FMN1: variants seen among roughly 807,000 people sequenced by gnomAD.
FMN1 encodes the protein formin-1.
In FMN1, 110 loss-of-function variants were observed where a neutral mutation model predicts 132.4. The ratio of observed to expected loss-of-function variants is 0.83; its 90% CI spans 0.71 to 0.97. FMN1 has a LOEUF of 0.97. Among genes scored for constraint, FMN1 ranks in the 50% least tolerant of loss-of-function variants. The pLI is 0.00. For missense variants in FMN1, 1,792 were observed against 1,705.3 expected, an observed-to-expected ratio of 1.05 and a Z score of -0.90; for synonymous variants, 722 against 651.7, an observed-to-expected ratio of 1.11 and a Z score of -1.64.
At chr15:33,058,635 G>T (rs2037344408) in intron 6 of FMN1, among the ~76,000 whole-genome samples, 1 of 152,162 alleles carries the variant, frequency 6.6e-6, no homozygotes, top group South Asian at 2.1e-4. Flanking sequence ...GGAATCAAAA[G>T]AACAGCGTGA....
chr15:33,113,991 G>C (rs575741121), intron 4 of FMN1, among the ~76,000 whole-genome samples: 9 of 152,296 alleles, frequency 5.9e-5, no homozygotes, highest in African/African-American at 2.2e-4. Context: ...TCTAGGCTCA[G>C]TTATCTAAGG....
intron 17 of FMN1, among the ~76,000 whole-genome samples, chr15:32,807,479 T>C (rs1240900974): frequency 5.9e-5 from 9 of 152,238 alleles, no homozygotes; most frequent in Admixed American, 5.9e-4. Context: ...CCAGTGATTT[T>C]AAGTTATGTG....
At chr15:32,838,510 G>A (rs554296203) in intron 17 of FMN1, among the ~76,000 whole-genome samples, 22 of 152,286 alleles carry the variant, frequency 1.4e-4, no homozygotes, top group Admixed American at 9.1e-4. Flanking sequence ...AGCAGCAGCC[G>A]TGGGGTTACG....
Position 32,811,313 on chromosome 15 carries a change from T to C in FMN1, c.3929-6981A>G, listed in dbSNP as rs193020545. On this transcript the variant is annotated intron_variant, in intron 17 of 20. Transcript: ENST00000616417. ...GGTCTGTCAGAGCAAGTGTCTAAGC[T>C]GGATGGTAAAGTTGAAGAGTAGAGG... 8.9e-4 allele frequency among the ~76,000 whole-genome samples: 135 copies of C among 152,286 alleles called. No individual in the cohort carries two copies. In the South Asian group the frequency reaches 0.024, roughly 27 times the overall value.
chr15:33,126,389 A>G (rs1235735577), intron 4 of FMN1, among the ~76,000 whole-genome samples: 2 of 152,170 alleles, frequency 1.3e-5, no homozygotes, highest in African/African-American at 4.8e-5. Flanking sequence ...GTGTGCACCA[A>G]AAGGAGCCTG....
chr15:33,124,911 GTTAAAGA>G (rs1273480606), intron 4 of FMN1, among the ~76,000 whole-genome samples: 2 of 151,612 alleles, frequency 1.3e-5, no homozygotes, highest in Non-Finnish European at 1.5e-5. Context: ...AAGGGCAAAT[GTTAAAGA>G]TACTATGTGC....
intron 7 of FMN1, among the ~76,000 whole-genome samples, chr15:33,004,187 A>T (rs1258565795): frequency 6.6e-6 from 1 of 152,226 alleles, no homozygotes; most frequent in Non-Finnish European, 1.5e-5. Context: ...ACCAAAATTG[A>T]CAAATGGGAT....
At chr15:33,166,607 C>G (rs1353766720) in intron 3 of FMN1, among the ~76,000 whole-genome samples, 2 of 152,160 alleles carry the variant, frequency 1.3e-5, no homozygotes, top group African/African-American at 4.8e-5. Flanking sequence ...ATATAGGCAA[C>G]AGTTTCACAG....
At chr15:33,093,264 C>CCATTCATCAT (rs76018800) in intron 4 of FMN1, among the ~76,000 whole-genome samples, 17,796 of 152,210 alleles carry the variant, frequency 0.12, 1,151 homozygotes, top group African/African-American at 0.16. Context: ...GTGCCCAAGG[C>CCATTCATCAT]ACTACATAAA....
chr15:33,071,071 A>C (rs955651243), intron 5 of FMN1, among the ~76,000 whole-genome samples: 4 of 152,210 alleles, frequency 2.6e-5, no homozygotes, highest in African/African-American at 9.7e-5. Context: ...CAAAGGTTTC[A>C]GCCCAGTTCA....
chr15:32,989,857 C>T (rs1335929392), intron 7 of FMN1, among the ~76,000 whole-genome samples: 1 of 152,108 alleles, frequency 6.6e-6, no homozygotes, highest in Non-Finnish European at 1.5e-5. Context: ...GTCAAGGATG[C>T]ATCTGAGGTT....
intron 9 of FMN1, among the ~76,000 whole-genome samples, chr15:32,958,115 TAGAA>T (rs2030038368): frequency 6.6e-6 from 1 of 152,198 alleles, no homozygotes; most frequent in South Asian, 2.1e-4. Context: ...TGGAGTTACA[TAGAA>T]AGCACATCTT....
intron 17 of FMN1, among the ~76,000 whole-genome samples, chr15:32,808,560 G>A (rs186541918): frequency 2.2e-4 from 33 of 152,326 alleles, no homozygotes; most frequent in Admixed American, 1.9e-3. Flanking sequence ...TTTCTGCTCT[G>A]ATACTTATTA....
intron 17 of FMN1, among the ~76,000 whole-genome samples, chr15:32,853,917 T>C (rs969005832): frequency 6.6e-6 from 1 of 151,928 alleles, no homozygotes; most frequent in Non-Finnish European, 1.5e-5. Flanking sequence ...GAGAAGAGAG[T>C]GTAGGAATGA....
At chr15:32,933,509 G>T (rs1433816095) in intron 9 of FMN1, among the ~76,000 whole-genome samples, 1 of 152,110 alleles carries the variant, frequency 6.6e-6, no homozygotes. Context: ...TGTTGCTCAA[G>T]TCCTCTGTTT....
chr15:32,968,994 G>C lies in FMN1; in HGVS notation c.2707C>G (p.Leu903Val). ...PMPPVSAGPPLPPPPPPPPPL... is the reference protein window; with the variant it reads ...PMPPVSAGPPVPPPPPPPPPL... ...GGCGGTGGAGGAGGCGGAGGTGGTA[G>C]CGGTGGCCCAGCACTCACAGGTGGC... The change falls in exon 8 of 21, where the codon CTA becomes GTA. Residue 903 changes from leucine to valine, a missense_variant. Physicochemically the swap from Leu to Val is conservative, Grantham distance 32. Transcript: ENST00000616417. 9.0e-7 allele frequency: 1 copy of C among 1,114,216 alleles called. No homozygotes were observed. Among genetic ancestry groups the C allele is most frequent in the Non-Finnish European group, 1.3e-6 (1 of 771,806 alleles). 69.0% of individuals were successfully genotyped at this position (1,114,216 alleles called of 1,614,324 possible). A position where few individuals can be genotyped will look rare whatever the true frequency, so the allele number is the denominator to read the frequency against.
intron 12 of FMN1, among the ~76,000 whole-genome samples, chr15:32,902,667 C>T (rs1179172984): frequency 1.3e-5 from 2 of 152,140 alleles, no homozygotes; most frequent in African/African-American, 4.8e-5. Context: ...AGTAGACAAC[C>T]TAAAGTTTCC....
intron 17 of FMN1, among the ~76,000 whole-genome samples, chr15:32,853,853 G>T (rs2059065279): frequency 6.6e-6 from 1 of 152,194 alleles, no homozygotes; most frequent in African/African-American, 2.4e-5. Context: ...GCTAGCTTGT[G>T]AAACTCTGCA....
chr15:32,905,784 G>C lies in FMN1; in HGVS notation c.3377+2706C>G, dbSNP rs1275887940. On this transcript the variant is annotated intron_variant, in intron 12 of 20. Transcript: ENST00000616417. ...AACATGCTTATAGTCGACTCACTTG[G>C]AGTTAATGGCAAATAAGTTGCCAGA... Among the ~76,000 whole-genome samples, 3 of 152,190 alleles carry C rather than the reference G, an allele frequency of 2.0e-5. No homozygotes were observed. In the East Asian group the frequency reaches 5.8e-4, roughly 29 times the overall value.
Sources: gnomAD v4.1 joint callset for allele counts (sites outside exome capture counted in the v4.1 genomes callset) on GRCh38, gnomAD v4.1.1 for gene constraint, MANE v1.5 for transcripts, NCBI Gene and HGNC (gene_info 2026-07-23, HGNC 2026-07-21) for gene names.